ADAMTS2: variants seen among roughly 807,000 people sequenced by gnomAD.
ADAMTS2 encodes the protein A disintegrin and metalloproteinase with thrombospondin motifs 2.
A neutral mutation model predicts 123.0 loss-of-function variants in ADAMTS2; 50 were observed. The ratio of observed to expected loss-of-function variants is 0.41; its 90% CI spans 0.32 to 0.51. The LOEUF is 0.51. Ranked by LOEUF, ADAMTS2 falls within the 20% of genes least tolerant of loss-of-function variation. ADAMTS2 has a pLI of 0.35. For missense variants in ADAMTS2, 1,494 were observed against 1,705.2 expected (o/e 0.88, Z 2.18); for synonymous variants, 678 against 695.4 (o/e 0.98, Z 0.39).
intron 3 of ADAMTS2, among the ~76,000 whole-genome samples, chr5:179,269,671 T>C (rs1475218840): frequency 1.3e-5 from 2 of 151,998 alleles, no homozygotes; most frequent in Non-Finnish European, 2.9e-5. Context: ...GTTCCTATTG[T>C]TTCAAGCTCC....
At chr5:179,138,665 G>C (rs994617175) in intron 11 of ADAMTS2, among the ~76,000 whole-genome samples, 16 of 152,260 alleles carry the variant, frequency 1.1e-4, no homozygotes, top group African/African-American at 3.6e-4. Context: ...CGGGAGGGCA[G>C]CCTGGAGCCT....
rs1417381651 is a variant in ADAMTS2, at chr5:179,132,270, G to A, written c.2250C>T (p.His750=). The change falls in exon 15 of 22, where the codon CAC becomes CAT. Residue 750 remains histidine, a synonymous_variant. Transcript: ENST00000251582. This position sits in a 1 kb window ranked among gnomAD's most constrained non-coding sequence, Gnocchi z 6.1. ...KMFEIPAGAR[H]LLIQEVDATS... ...TGGCGTCTACCTCCTGAATGAGCAG[G>A]TGTCTGGCTCCTGCAGGGATCTCAA... 5 of 1,614,228 alleles carry A rather than the reference G, an allele frequency of 3.1e-6. No individual in the cohort carries two copies. The highest frequency in any genetic ancestry group is 2.7e-5 in the African/African-American group (2 of 75,056).
Position 179,317,761 on chromosome 5 carries a change from C to T in ADAMTS2, c.534+26006G>A, listed in dbSNP as rs1245895575. ...CGTCTAGGGGAGGTTAGCGTGCCAG[C>T]ACCAGCTGAGACTCCCTGGCCAGAC... On this transcript the variant is annotated intron_variant, in intron 2 of 21. Transcript: ENST00000251582. The surrounding 1 kb of genome is among the most constrained non-coding windows in gnomAD (Gnocchi z 4.9). Among the ~76,000 whole-genome samples, 1 of 152,234 alleles carries T rather than the reference C, an allele frequency of 6.6e-6. No individual in the cohort carries two copies. Among genetic ancestry groups the T allele is most frequent in the Non-Finnish European group, 1.5e-5 (1 of 68,044 alleles).
chr5:179,235,025 A>G (rs971665226), intron 3 of ADAMTS2, among the ~76,000 whole-genome samples: 1 of 151,942 alleles, frequency 6.6e-6, no homozygotes, highest in African/African-American at 2.4e-5. Context: ...AACACTGCTC[A>G]CTCTGCCCAG....
At chr5:179,337,301 C>G (rs1325819222) in intron 2 of ADAMTS2, among the ~76,000 whole-genome samples, 1 of 152,078 alleles carries the variant, frequency 6.6e-6, no homozygotes, top group Admixed American at 6.6e-5. Flanking sequence ...TGCAGGAAAC[C>G]CCTCCCGAGA....
In ADAMTS2 at chr5:179,260,056, G is replaced by A. The variant is rs1357664850; in HGVS notation, c.688+12855C>T. ...TAGGGCCCTGCCGGATGGGTCACAA[G>A]CCGGCGAAGTCAGTCCTGCTCAAGT... On this transcript the variant is annotated intron_variant, in intron 3 of 21. Coordinates refer to ENST00000251582, the MANE Select transcript of ADAMTS2 (RefSeq NM_014244.5). The surrounding 1 kb of genome is among the most constrained non-coding windows in gnomAD (Gnocchi z 4.2). Among the ~76,000 whole-genome samples, 1 of 152,202 alleles carries A rather than the reference G, an allele frequency of 6.6e-6. No individual in the cohort carries two copies. The highest frequency in any genetic ancestry group is 2.4e-5 in the African/African-American group (1 of 41,462).
At chr5:179,174,034 G>GA (rs1196688525) in intron 5 of ADAMTS2, among the ~76,000 whole-genome samples, 5 of 147,680 alleles carry the variant, frequency 3.4e-5, no homozygotes, top group Admixed American at 6.8e-5. Context: ...AAAAAAGAAA[G>GA]AAAAAAAGAA....
chr5:179,137,709 CCCTG>C, intron 12 of ADAMTS2, 56 bp downstream of exon 12: 5 of 1,394,502 alleles, frequency 3.6e-6, no homozygotes, highest in Non-Finnish European at 4.9e-6. Context: ...CAAGCCCCCA[CCCTG>C]CCCACCCTAG....
At chr5:179,333,846 C>T (rs1757541500) in intron 2 of ADAMTS2, among the ~76,000 whole-genome samples, 3 of 152,020 alleles carry the variant, frequency 2.0e-5, no homozygotes, top group Non-Finnish European at 4.4e-5. Context: ...GTGATCTGCC[C>T]GCCTCAGCCT....
chr5:179,263,559 G>T (rs191937519), intron 3 of ADAMTS2, among the ~76,000 whole-genome samples: 1 of 152,360 alleles, frequency 6.6e-6, no homozygotes, highest in Admixed American at 6.5e-5. Context: ...GACAGTTTGG[G>T]ATGGGAGGCG....
chr5:179,192,030 G>A (rs1581178986), intron 4 of ADAMTS2, among the ~76,000 whole-genome samples: 3 of 152,138 alleles, frequency 2.0e-5, no homozygotes, highest in African/African-American at 4.8e-5. Context: ...TGGCCCAGGC[G>A]TCAGACCCGA....
chr5:179,291,134 C>A (rs1044972338), intron 2 of ADAMTS2, among the ~76,000 whole-genome samples: 2 of 152,212 alleles, frequency 1.3e-5, no homozygotes, highest in Non-Finnish European at 2.9e-5. Context: ...GAGCCACCAG[C>A]ATGATGCTGA....
intron 13 of ADAMTS2, among the ~76,000 whole-genome samples, chr5:179,134,720 C>G (rs886749281): frequency 6.7e-6 from 1 of 149,756 alleles, no homozygotes; most frequent in Non-Finnish European, 1.5e-5. Flanking sequence ...CTCGAGCACC[C>G]TCCCGGCTCC....
At chr5:179,207,782 C>CA (rs1764741042) in intron 3 of ADAMTS2, 67 bp from the exon 4 acceptor site, 2 of 1,422,626 alleles carry the variant, frequency 1.4e-6, no homozygotes, top group African/African-American at 2.8e-5. Context: ...TACCAGGCGC[C>CA]AGCTTGGCCA....
intron 2 of ADAMTS2, among the ~76,000 whole-genome samples, chr5:179,291,786 C>T (rs900962504): frequency 6.6e-6 from 1 of 151,978 alleles, no homozygotes; most frequent in Admixed American, 6.6e-5. Context: ...TCACCCACTG[C>T]AGTACAGTGG....
At chr5:179,290,494 A>G (rs1756153375) in intron 2 of ADAMTS2, among the ~76,000 whole-genome samples, 1 of 152,214 alleles carries the variant, frequency 6.6e-6, no homozygotes, top group South Asian at 2.1e-4. Flanking sequence ...TAAGACACTA[A>G]GTACCAACGC....
At chr5:179,340,232 T>C (rs1476987233) in intron 2 of ADAMTS2, among the ~76,000 whole-genome samples, 2 of 152,222 alleles carry the variant, frequency 1.3e-5, no homozygotes, top group East Asian at 3.9e-4. Context: ...GGAGGCTTCA[T>C]CCACTGCTGC....
chr5:179,326,885 G>A (rs190763538), intron 2 of ADAMTS2, among the ~76,000 whole-genome samples: 2 of 152,220 alleles, frequency 1.3e-5, no homozygotes, highest in Admixed American at 1.3e-4. Flanking sequence ...GGGAGAGGGA[G>A]AGAGAGGGGA....
In ADAMTS2 at chr5:179,345,314, C is replaced by A. The variant is rs1757918431; in HGVS notation, c.15G>T (p.Ala5=). 1 of 1,135,464 alleles carries A rather than the reference C, an allele frequency of 8.8e-7. No individual in the cohort carries two copies. The allele number at this position is 1,135,464 out of a possible 1,614,324, so 70.3% of individuals were successfully genotyped here. Residue 5 remains alanine (A), a synonymous_variant, in exon 1 of 22, where the codon GCG becomes GCT. Transcript: ENST00000251582. This position sits in a 1 kb window ranked among gnomAD's most constrained non-coding sequence, Gnocchi z 7.5. ...GGCAGAGCAGGCGGCGAGCGGCTCC[C>A]GCCGGCGGATCCATGGCAGCCGGAC... MDPP[A]GAARRLLCPA... is the part of the protein sequence containing the mutation.
Sources: gnomAD v4.1 joint callset for allele counts (sites outside exome capture counted in the v4.1 genomes callset) on GRCh38, gnomAD v4.1.1 for gene constraint, Gnocchi (gnomAD v3.1) non-coding constraint, MANE v1.5 for transcripts, NCBI Gene and HGNC (gene_info 2026-07-23, HGNC 2026-07-21) for gene names.